XPR1: variants seen among roughly 807,000 people sequenced by gnomAD.
XPR1 encodes solute carrier family 53 member 1.
XPR1 carries 28 observed loss-of-function variants against 87.5 expected under a neutral mutation model. The observed-to-expected ratio is 0.32, with a 90% confidence interval of 0.24 to 0.44. The LOEUF is 0.44. Among genes scored for constraint, XPR1 ranks in the 20% least tolerant of loss-of-function variants. XPR1 has a pLI of 1.00. For missense variants in XPR1, 559 were observed against 862.3 expected (o/e 0.65, Z 4.41); for synonymous variants, 300 against 306.1 (o/e 0.98, Z 0.21).
chr1:180,726,285 A>G (rs1186740165), intron 2 of XPR1, among the ~76,000 whole-genome samples: 1 of 152,204 alleles, frequency 6.6e-6, no homozygotes, highest in Non-Finnish European at 1.5e-5. Context: ...TAAGGGAATA[A>G]AAGCTGGCCA....
At chr1:180,644,701 C>T (rs1211134319) in intron 1 of XPR1, among the ~76,000 whole-genome samples, 1 of 152,058 alleles carries the variant, frequency 6.6e-6, no homozygotes, top group African/African-American at 2.4e-5. Context: ...ACCTTTTTGG[C>T]ACCAGGGACC....
intron 2 of XPR1, among the ~76,000 whole-genome samples, chr1:180,684,218 T>C (rs1394702281): frequency 1.3e-5 from 2 of 152,228 alleles, no homozygotes; most frequent in Non-Finnish European, 2.9e-5. Context: ...ATTTATTAAA[T>C]AGAGAATCCT....
chr1:180,748,400 CTTTTTTTTTTTTTTTTTTTTTT>C lies in XPR1; in HGVS notation c.122-39339_122-39318del, dbSNP rs71297873. Among the ~76,000 whole-genome samples the C allele has an allele frequency of 5.9e-3, 176 of 29,708 alleles. 2 individuals are homozygous for C. The Middle Eastern group carries it at 0.17, about 28-fold the overall frequency. 19.5% of individuals were successfully genotyped at this position (29,708 alleles called of 152,430 possible). On this transcript the variant is annotated intron_variant, in intron 2 of 14. Transcript: ENST00000367590. The stretch of plus-strand genomic sequence containing the variant: ...TGCTACTCTGTGTTATTATTTATGT[CTTTTTTTTTTTTTTTTTTTTTT>C]TTTTTTTTTTTTTGAGATGGAGTTT...
chr1:180,781,614 C>A lies in XPR1; in HGVS notation c.122-6139C>A, dbSNP rs924503747. ...GGTACTCTTTTTTTTTTTTTAAACA[C>A]CCCTGGTTTTATTTTCCCTTCACTC... On this transcript the variant is annotated intron_variant, in intron 2 of 14. Coordinates refer to ENST00000367590, the MANE Select transcript of XPR1 (RefSeq NM_004736.4). Among the ~76,000 whole-genome samples the A allele has an allele frequency of 5.3e-5, 8 of 149,690 alleles. No individual in the cohort carries two copies. The Admixed American group carries it at 5.3e-4, about 10-fold the overall frequency.
In XPR1 at chr1:180,806,227, TTATTTACAACG is replaced by T; in HGVS notation, c.597+22_597+32del. The T allele has an allele frequency of 6.2e-7, 1 of 1,608,204 alleles. No homozygotes were observed. The highest frequency in any genetic ancestry group is 1.1e-5 in the South Asian group (1 of 90,338). The stretch of plus-strand genomic sequence containing the variant: ...TGAAACTGAGGTACAATAATCTCGT[TTATTTACAACG>T]TATTTTCAGTTACACGTTTTATATT... On this transcript the variant is annotated intron_variant, in intron 5 of 14. Coordinates refer to ENST00000367590, the MANE Select transcript of XPR1 (RefSeq NM_004736.4).
chr1:180,842,154 A>C (rs905083718), intron 11 of XPR1, among the ~76,000 whole-genome samples: 3 of 152,182 alleles, frequency 2.0e-5, no homozygotes, highest in African/African-American at 7.2e-5. Context: ...ACAAAGGATA[A>C]ATTTTAGAGG....
At chr1:180,749,598 C>T (rs1218350484) in intron 2 of XPR1, among the ~76,000 whole-genome samples, 1 of 148,462 alleles carries the variant, frequency 6.7e-6, no homozygotes, top group East Asian at 2.0e-4. Flanking sequence ...ATGTGCTGTA[C>T]ATCCTGTATA....
chr1:180,683,732 T>C (rs554386205), intron 2 of XPR1, among the ~76,000 whole-genome samples: 29 of 152,248 alleles, frequency 1.9e-4, no homozygotes, highest in East Asian at 1.2e-3. Context: ...ATGAGCATTT[T>C]TTCATGTGTT....
At chr1:180,670,944 A>T (rs945187067) in intron 1 of XPR1, among the ~76,000 whole-genome samples, 1 of 152,142 alleles carries the variant, frequency 6.6e-6, no homozygotes, top group African/African-American at 2.4e-5. Flanking sequence ...ATCTTGAAGG[A>T]TGGTTAAGAT....
chr1:180,694,195 A>G (rs771888935), intron 2 of XPR1, among the ~76,000 whole-genome samples: 5 of 152,214 alleles, frequency 3.3e-5, no homozygotes, highest in Non-Finnish European at 5.9e-5. Flanking sequence ...CCTGGGGTCA[A>G]GCGATCCTCT....
chr1:180,676,305 C>G (rs7527074), intron 1 of XPR1, among the ~76,000 whole-genome samples: 4 of 152,102 alleles, frequency 2.6e-5, no homozygotes, highest in Non-Finnish European at 5.9e-5. Context: ...TGGTTCCTGA[C>G]AGCATTATTT....
chr1:180,760,636 C>T (rs1230305051), intron 2 of XPR1, among the ~76,000 whole-genome samples: 6 of 152,140 alleles, frequency 3.9e-5, no homozygotes, highest in East Asian at 1.9e-4. Flanking sequence ...AATGGAAGAA[C>T]GTTCCATGCT....
At chr1:180,671,034 G>A (rs1656152228) in intron 1 of XPR1, among the ~76,000 whole-genome samples, 1 of 152,186 alleles carries the variant, frequency 6.6e-6, no homozygotes, top group Non-Finnish European at 1.5e-5. Context: ...AAAGATAGAA[G>A]AAATACTGAG....
intron 2 of XPR1, among the ~76,000 whole-genome samples, chr1:180,735,955 A>G (rs1231660639): frequency 2.0e-5 from 3 of 152,150 alleles, no homozygotes; most frequent in East Asian, 3.9e-4. Context: ...ATGAGTATCT[A>G]TGAATACTAG....
chr1:180,812,684 T>C (rs1451773434), intron 7 of XPR1, among the ~76,000 whole-genome samples: 1 of 149,248 alleles, frequency 6.7e-6, no homozygotes, highest in East Asian at 2.0e-4. Flanking sequence ...GGTCTCACAC[T>C]GTCGCCAGGT....
chr1:180,639,141 A>G (rs1328391725), intron 1 of XPR1, among the ~76,000 whole-genome samples: 1 of 152,184 alleles, frequency 6.6e-6, no homozygotes, highest in African/African-American at 2.4e-5. Context: ...TACTAAAAAT[A>G]CAAAAATTAG....
intron 1 of XPR1, among the ~76,000 whole-genome samples, chr1:180,663,403 A>G (rs1655843536): frequency 6.6e-6 from 1 of 152,190 alleles, no homozygotes; most frequent in Non-Finnish European, 1.5e-5. Context: ...GAGGTGTACC[A>G]CCTTGGTGGT....
chr1:180,728,092 T>C (rs894432021), intron 2 of XPR1, among the ~76,000 whole-genome samples: 1 of 152,176 alleles, frequency 6.6e-6, no homozygotes, highest in African/African-American at 2.4e-5. Flanking sequence ...ATGGAGTTGC[T>C]CTGGTTCACA....
intron 2 of XPR1, among the ~76,000 whole-genome samples, chr1:180,727,178 A>T (rs545906099): frequency 6.6e-6 from 1 of 152,004 alleles, no homozygotes; most frequent in Non-Finnish European, 1.5e-5. Context: ...GTATGCTTTA[A>T]TCTCTAATAT....
Sources: allele counts gnomAD v4.1 joint callset (sites outside exome capture counted in the v4.1 genomes callset), GRCh38; gene constraint gnomAD v4.1.1; transcripts MANE v1.5; gene names NCBI Gene and HGNC (gene_info 2026-07-23, HGNC 2026-07-21).